VPS41: variants seen among roughly 807,000 people sequenced by gnomAD.
VPS41 encodes the protein VPS41 subunit of HOPS complex.
VPS41 carries 85 observed loss-of-function variants against 130.9 expected under a neutral mutation model. The ratio of observed to expected loss-of-function variants is 0.65; its 90% CI spans 0.55 to 0.78. The LOEUF is 0.78. VPS41 is among the 30% of genes least tolerant of loss of function. VPS41 has a pLI of 0.00. For synonymous variants in VPS41, 335 were observed against 332.9 expected (o/e 1.01, Z -0.07); for missense variants, 874 against 1,018.7 (o/e 0.86, Z 1.93).
chr7:38,752,412 GT>G, intron 21 of VPS41, 99 bp from the exon 22 acceptor site: 2 of 1,429,896 alleles, frequency 1.4e-6, no homozygotes, highest in Non-Finnish European at 9.5e-7. Flanking sequence ...CCATGGACAG[GT>G]TGGGGGAGAA....
At chr7:38,749,025 A>G (rs1446621737) in intron 22 of VPS41, among the ~76,000 whole-genome samples, 1 of 152,216 alleles carries the variant, frequency 6.6e-6, no homozygotes, top group Non-Finnish European at 1.5e-5. Context: ...AATTTTTATT[A>G]TCTTTAAAAA....
chr7:38,819,753 C>T (rs1015127827), intron 6 of VPS41, among the ~76,000 whole-genome samples: 2 of 152,210 alleles, frequency 1.3e-5, no homozygotes, highest in Non-Finnish European at 2.9e-5. Context: ...TCTTCTTAGA[C>T]TCCTTTGCTG....
chr7:38,782,697 C>T (rs1784373847), intron 10 of VPS41, among the ~76,000 whole-genome samples: 1 of 152,164 alleles, frequency 6.6e-6, no homozygotes, highest in Admixed American at 6.5e-5. Context: ...CAGTGTCTGG[C>T]CCTCGATAGC....
chr7:38,795,413 C>A (rs1784599956), intron 9 of VPS41, 52 bp downstream of exon 9: 1 of 1,542,738 alleles, frequency 6.5e-7, no homozygotes, highest in Non-Finnish European at 8.8e-7. Flanking sequence ...TTTGGACCAC[C>A]CTCAGTGGAT....
At chr7:38,870,822 TTA>T (rs144581165) in intron 2 of VPS41, among the ~76,000 whole-genome samples, 28,674 of 97,356 alleles carry the variant, frequency 0.29, 3,953 homozygotes, top group Non-Finnish European at 0.4. Context: ...TTCTAATCTG[TTA>T]AAAAAAAAAA....
intron 2 of VPS41, among the ~76,000 whole-genome samples, chr7:38,882,307 T>C (rs899913217): frequency 2.0e-5 from 3 of 152,190 alleles, no homozygotes; most frequent in African/African-American, 7.2e-5. Context: ...CACCACTCTC[T>C]CCTGGTTCTT....
chr7:38,828,412 A>G lies in VPS41; in HGVS notation c.321+1842T>C, dbSNP rs150297704. Among the ~76,000 whole-genome samples, 530 of 152,344 alleles carry G rather than the reference A, an allele frequency of 3.5e-3. 4 individuals carry two copies. Among genetic ancestry groups the G allele is most frequent in the African/African-American group, 0.012 (500 of 41,578 alleles). On this transcript the variant is annotated intron_variant, in intron 5 of 28. Coordinates refer to ENST00000310301, the MANE Select transcript of VPS41 (RefSeq NM_014396.4). ...AAACTGAATGCAAATATCAAAGGTT[A>G]TCCTTGAAATAACCCTAATAAATAA...
intron 5 of VPS41, among the ~76,000 whole-genome samples, chr7:38,823,676 A>G (rs1186114944): frequency 6.6e-6 from 1 of 152,200 alleles, no homozygotes; most frequent in Non-Finnish European, 1.5e-5. Context: ...TTTGGGGACC[A>G]TCCACTCATT....
chr7:38,863,659 T>C (rs1223314465), intron 3 of VPS41, among the ~76,000 whole-genome samples: 2 of 152,160 alleles, frequency 1.3e-5, no homozygotes, highest in Non-Finnish European at 2.9e-5. Flanking sequence ...TGCCTTTCAC[T>C]CCTGCAAGGT....
intron 7 of VPS41, among the ~76,000 whole-genome samples, chr7:38,797,588 A>C (rs1784645674): frequency 1.3e-5 from 2 of 152,262 alleles, no homozygotes; most frequent in African/African-American, 4.8e-5. Context: ...ATCCTTTAAG[A>C]AAAGACATTT....
chr7:38,876,774 G>A (rs1312321569), intron 2 of VPS41, among the ~76,000 whole-genome samples: 1 of 151,946 alleles, frequency 6.6e-6, no homozygotes, highest in Non-Finnish European at 1.5e-5. Context: ...CATAAACCCT[G>A]GTCTCTCCTG....
chr7:38,888,096 C>A (rs970021418), intron 2 of VPS41, among the ~76,000 whole-genome samples: 3 of 152,116 alleles, frequency 2.0e-5, no homozygotes, highest in Non-Finnish European at 2.9e-5. Context: ...TAAAGACCAT[C>A]GATGCTATGA....
intron 2 of VPS41, among the ~76,000 whole-genome samples, chr7:38,887,005 C>T (rs1012373958): frequency 6.6e-6 from 1 of 152,162 alleles, no homozygotes; most frequent in South Asian, 2.1e-4. Flanking sequence ...GACATCAACA[C>T]CAAAATCCCA....
At chr7:38,771,312 GA>G in intron 13 of VPS41, 58 bp from the exon 14 acceptor site, 1 of 1,232,298 alleles carries the variant, frequency 8.1e-7, no homozygotes, top group Non-Finnish European at 1.2e-6. Flanking sequence ...AGGAGGGAGG[GA>G]AAATGGGAGA....
chr7:38,822,420 G>C (rs1412931542), intron 5 of VPS41, among the ~76,000 whole-genome samples: 1 of 152,168 alleles, frequency 6.6e-6, no homozygotes, highest in African/African-American at 2.4e-5. Context: ...TGTAAGTAAG[G>C]AATCATATTC....
chr7:38,889,986 G>T, intron 2 of VPS41, among the ~76,000 whole-genome samples: 1 of 152,180 alleles, frequency 6.6e-6, no homozygotes, highest in Non-Finnish European at 1.5e-5. Context: ...GCAAACTGTT[G>T]TGGACACCAG....
rs946356566 is a variant in VPS41, at chr7:38,755,580, C to A, written c.1696-644G>T. The stretch of plus-strand genomic sequence containing the variant: ...GCCTCACACGGAACACCTGGGGGCC[C>A]TGTTCTAGACTCTGCTACGACCTAG... On this transcript the variant is annotated intron_variant, in intron 19 of 28. Coordinates refer to ENST00000310301, the MANE Select transcript of VPS41 (RefSeq NM_014396.4). 1.2e-4 allele frequency among the ~76,000 whole-genome samples: 18 copies of A among 152,312 alleles called. No homozygotes were observed. In the East Asian group the frequency reaches 3.3e-3, roughly 28 times the overall value.
At chr7:38,842,206 T>C (rs1209357220) in intron 4 of VPS41, among the ~76,000 whole-genome samples, 2 of 152,048 alleles carry the variant, frequency 1.3e-5, no homozygotes, top group Admixed American at 6.6e-5. Flanking sequence ...CTAAGTCCTA[T>C]CCTTCTATCT....
chr7:38,762,966 AT>A (rs1356235721), intron 17 of VPS41, among the ~76,000 whole-genome samples: 5 of 152,212 alleles, frequency 3.3e-5, no homozygotes, highest in African/African-American at 1.2e-4. Context: ...TCATGAAAAA[AT>A]AAGAGTTCAA....
Sources: gnomAD v4.1 joint callset for allele counts (sites outside exome capture counted in the v4.1 genomes callset) on GRCh38, gnomAD v4.1.1 for gene constraint, MANE v1.5 for transcripts, NCBI Gene and HGNC (gene_info 2026-07-23, HGNC 2026-07-21) for gene names.